CNOT1: variants seen among roughly 807,000 people sequenced by gnomAD.
The protein encoded by CNOT1 is CCR4-associated factor 1.
In CNOT1, 15 loss-of-function variants were observed where a neutral mutation model predicts 273.8. That is an observed-to-expected ratio of 0.05 (90% CI 0.04 to 0.08). CNOT1 has a LOEUF of 0.08. Among genes scored for constraint, CNOT1 ranks in the 10% least tolerant of loss-of-function variants. CNOT1 has a pLI of 1.00. For missense variants in CNOT1, 1,644 were observed against 2,912.2 expected (o/e 0.56, Z 10.02); for synonymous variants, 1,022 against 1,005.5 (o/e 1.02, Z -0.31).
intron 16 of CNOT1, among the ~76,000 whole-genome samples, chr16:58,561,184 G>A (rs565260570): frequency 9.9e-5 from 15 of 152,228 alleles, no homozygotes; most frequent in South Asian, 8.3e-4. Flanking sequence ...AAGGGAAAGC[G>A]GAAGGAAAAC....
At chr16:58,585,746 C>A (rs1476264307) in intron 7 of CNOT1, among the ~76,000 whole-genome samples, 1 of 152,122 alleles carries the variant, frequency 6.6e-6, no homozygotes, top group Non-Finnish European at 1.5e-5. Context: ...ACTGGCATTC[C>A]ATCTACTGAC....
intron 25 of CNOT1, chr16:58,548,527 G>T (rs969235330): frequency 1.9e-6 from 1 of 518,938 alleles, no homozygotes; most frequent in African/African-American, 1.9e-5. Context: ...TACAGCAACA[G>T]CAGAATGGCA....
rs546871965 is a variant in CNOT1 at position 58,584,917 on chromosome 16, G to A, written c.806+421C>T. ...TGCCCTAAGCAAGTGAGAAAAATAC[G>A]CAAGAGGCAGAAAAGGAAGGAAGCC... On this transcript the variant is annotated intron_variant, in intron 8 of 48. Transcript: ENST00000317147. Among the ~76,000 whole-genome samples the A allele has an allele frequency of 3.9e-5, 6 of 152,162 alleles. No individual in the cohort carries two copies. The East Asian group carries it at 7.7e-4, about 20-fold the overall frequency.
At position 58,583,332 on chromosome 16, in the gene CNOT1, C is replaced by T. The variant is rs886376842; in HGVS notation, c.807-150G>A. The T allele has an allele frequency of 3.6e-5, 51 of 1,432,824 alleles. No individual in the cohort carries two copies. In the African/African-American group the frequency reaches 7.0e-4, roughly 20 times the overall value. 88.8% of individuals were successfully genotyped at this position (1,432,824 alleles called of 1,614,324 possible). A position where few individuals can be genotyped will look rare whatever the true frequency, so the allele number is the denominator to read the frequency against. On this transcript the variant is annotated intron_variant, in intron 8 of 48. Coordinates refer to ENST00000317147, the MANE Select transcript of CNOT1 (RefSeq NM_016284.5). Reference sequence around the variant, plus strand: ...AGTGTTATTTCTTGTTACATTTATACAGCTAGGAATGTAAAAACCATCTAC... The same window carrying T: ...AGTGTTATTTCTTGTTACATTTATATAGCTAGGAATGTAAAAACCATCTAC...
chr16:58,554,851 G>A (rs1016042979), intron 21 of CNOT1, among the ~76,000 whole-genome samples: 2 of 147,526 alleles, frequency 1.4e-5, no homozygotes, highest in South Asian at 2.2e-4. Flanking sequence ...CAGGAGAATC[G>A]CTTGAACTCA....
chr16:58,610,942 C>A (rs537880434), intron 1 of CNOT1, among the ~76,000 whole-genome samples: 1 of 152,102 alleles, frequency 6.6e-6, no homozygotes, highest in South Asian at 2.1e-4. Context: ...GAGGCTGAGG[C>A]AGGAGAATCG....
chr16:58,581,405 C>T lies in CNOT1; in HGVS notation c.1155G>A (p.Leu385=). The T allele has an allele frequency of 6.2e-7, 1 of 1,614,080 alleles. No individual in the cohort carries two copies. The highest frequency in any genetic ancestry group is 1.3e-5 in the African/African-American group (1 of 75,046). The part of the protein sequence containing the change: ...HNVVYGIQRG[L]GMEVFPVDLI... ...GGTCTACTGGGAACACTTCCATACC[C>T]AAACCCCTCTGAATGCCATAAACCA... The change falls in exon 11 of 49, where the codon TTG becomes TTA. Residue 385 remains leucine, a synonymous_variant. Transcript: ENST00000317147.
Position 58,556,915 on chromosome 16 carries a change from A to G in CNOT1, c.2411T>C (p.Phe804Ser). 1 of 1,614,164 alleles carries G rather than the reference A, an allele frequency of 6.2e-7. No individual in the cohort carries two copies. The highest frequency in any genetic ancestry group is 2.2e-5 in the East Asian group (1 of 44,876). ...AGAGGTGCCCAGTTTCCTCTGTACA[A>G]AAGGGTCGTTATTCACTGCAGGGAG... The part of the protein sequence containing the change: ...LGLPAVNNDP[F>S]VQRKLGTSGL... Residue 804 changes from phenylalanine to serine, a missense_variant, in exon 19 of 49, where the codon TTT becomes TCT. By Grantham distance (155) the Phe-to-Ser change is radical. Coordinates refer to ENST00000317147, the MANE Select transcript of CNOT1 (RefSeq NM_016284.5).
intron 2 of CNOT1, among the ~76,000 whole-genome samples, chr16:58,594,418 T>C (rs369403343): frequency 6.6e-6 from 1 of 152,110 alleles, no homozygotes. Context: ...AGGCATTTCT[T>C]CTGGAGGTAA....
At chr16:58,545,617 T>G in intron 29 of CNOT1, 126 bp from the exon 30 acceptor site, 949 of 1,005,060 alleles carry the variant, frequency 9.4e-4, no homozygotes, top group Non-Finnish European at 1.1e-3. Context: ...GAGGGAAGGA[T>G]GTAGCAGGTC....
At position 58,615,707 on chromosome 16, in the gene CNOT1, G is replaced by A. The variant is rs1239243362; in HGVS notation, c.-175+14021C>T. Among the ~76,000 whole-genome samples the A allele has an allele frequency of 7.2e-5, 9 of 125,500 alleles. 1 individual carries two copies. The highest frequency in any genetic ancestry group is 1.9e-4 in the East Asian group (1 of 5,146). 82.3% of individuals were successfully genotyped at this position (125,500 alleles called of 152,430 possible). On this transcript the variant is annotated intron_variant, in intron 1 of 48. Transcript: ENST00000317147. Reference sequence around the variant, plus strand: ...ATGAACATTTTTAGAAGTTACTCTTGATGATGGGAAATACCAAGAAAGGAA... The same window carrying A: ...ATGAACATTTTTAGAAGTTACTCTTAATGATGGGAAATACCAAGAAAGGAA...
intron 30 of CNOT1, among the ~76,000 whole-genome samples, chr16:58,544,451 A>G (rs2040193129): frequency 6.6e-6 from 1 of 152,052 alleles, no homozygotes; most frequent in African/African-American, 2.4e-5. Flanking sequence ...TTGAATTAAA[A>G]AAAAAAAAAA....
rs572557934 is a variant in CNOT1 at position 58,581,907 on chromosome 16, C to T, written c.1045-392G>A. Reference sequence around the variant, plus strand: ...CAAACTCCTGGCCTCATGTGATCCACCTGCCTCGGCCTCCCAAAATGCTGG... The same window carrying T: ...CAAACTCCTGGCCTCATGTGATCCATCTGCCTCGGCCTCCCAAAATGCTGG... On this transcript the variant is annotated intron_variant, in intron 10 of 48. Transcript: ENST00000317147. Among the ~76,000 whole-genome samples, 247 of 152,212 alleles carry T rather than the reference C, an allele frequency of 1.6e-3. 1 individual carries two copies. Among genetic ancestry groups the T allele is most frequent in the African/African-American group, 5.7e-3 (235 of 41,558 alleles).
At chr16:58,591,570 A>G (rs1478105754) in intron 2 of CNOT1, among the ~76,000 whole-genome samples, 1 of 152,112 alleles carries the variant, frequency 6.6e-6, no homozygotes, top group East Asian at 1.9e-4. Context: ...CCTGACCAAC[A>G]TGGTGAAACC....
intron 1 of CNOT1, among the ~76,000 whole-genome samples, chr16:58,618,215 C>A (rs1300451831): frequency 6.6e-6 from 1 of 151,782 alleles, no homozygotes; most frequent in Non-Finnish European, 1.5e-5. Context: ...GGTGGGAAGA[C>A]TGACTGAGCC....
At chr16:58,598,648 A>AT (rs2042354104) in intron 2 of CNOT1, among the ~76,000 whole-genome samples, 1 of 151,680 alleles carries the variant, frequency 6.6e-6, no homozygotes, top group Non-Finnish European at 1.5e-5. Context: ...AAAAAAAAAA[A>AT]GTAAAGAAAG....
intron 13 of CNOT1, among the ~76,000 whole-genome samples, chr16:58,578,464 A>AG (rs1366758607): frequency 1.3e-5 from 2 of 151,734 alleles, no homozygotes; most frequent in East Asian, 3.8e-4. Flanking sequence ...AAAAAAAAAA[A>AG]AAAAGGAAAG....
intron 1 of CNOT1, among the ~76,000 whole-genome samples, chr16:58,608,553 C>CAA (rs11397997): frequency 0.031 from 4,023 of 129,534 alleles, 105 homozygotes; most frequent in Non-Finnish European, 0.042. Flanking sequence ...GACTCTGTCT[C>CAA]AAAAAAAAAA....
Position 58,588,821 on chromosome 16 carries a change from C to T in CNOT1, c.188G>A (p.Ser63Asn), listed in dbSNP as rs1330719644. ...TACCTGATGGAAATCTTTGCCACTG[C>T]TTTTACCATCGCCACTGAAATCCAC... The part of the protein sequence containing the change: ...SHVDFSGDGK[S>N]SGKDFHQTQF... The change falls in exon 3 of 49, where the codon AGC (serine) becomes AAC (asparagine). Residue 63 changes from serine (S) to asparagine (N), a missense_variant. Ser to Asn is a conservative substitution (Grantham distance 46, BLOSUM62 1). Coordinates refer to ENST00000317147, the MANE Select transcript of CNOT1 (RefSeq NM_016284.5). 2 of 1,613,946 alleles carry T rather than the reference C, an allele frequency of 1.2e-6. No individual in the cohort carries two copies. Among genetic ancestry groups the T allele is most frequent in the East Asian group, 4.5e-5 (2 of 44,876 alleles).
Sources: allele counts gnomAD v4.1 joint callset (sites outside exome capture counted in the v4.1 genomes callset), GRCh38; gene constraint gnomAD v4.1.1; transcripts MANE v1.5; gene names NCBI Gene and HGNC (gene_info 2026-07-23, HGNC 2026-07-21).